The following PTH1R variants were observed in gnomAD, a reference collection of about 807,000 sequenced individuals.
PTH1R encodes the protein parathyroid hormone 1 receptor.
PTH1R carries 32 observed loss-of-function variants against 70.7 expected under a neutral mutation model. That is an observed-to-expected ratio of 0.45 (90% confidence interval 0.34 to 0.61). The LOEUF is 0.61. PTH1R is among the 20% of genes least tolerant of loss of function. PTH1R has a pLI of 0.01. For synonymous variants in PTH1R, 329 were observed against 324.8 expected, an observed-to-expected ratio of 1.01 and a Z score of -0.14; for missense variants, 626 against 792.5, an observed-to-expected ratio of 0.79 and a Z score of 2.52.
chr3:46,903,685 A>G lies in PTH1R; in HGVS notation c.*29A>G, dbSNP rs995853571. The stretch of plus-strand genomic sequence containing the variant: ...GGCGCTGGGGGCTGGACCTGCTGAC[A>G]TAGTGGATGGACAGATGGACCAAAA... On this transcript the variant is annotated 3_prime_UTR_variant, in exon 16 of 16. Coordinates refer to ENST00000449590, the MANE Select transcript of PTH1R (RefSeq NM_000316.3). This position sits in a 1 kb window ranked among gnomAD's most constrained non-coding sequence, Gnocchi z 4.4. 4.4e-6 allele frequency: 7 copies of G among 1,603,350 alleles called. No individual in the cohort carries two copies. The highest frequency in any genetic ancestry group is 4.0e-5 in the African/African-American group (3 of 74,930).
chr3:46,880,756 A>C (rs2030506101), intron 1 of PTH1R, among the ~76,000 whole-genome samples: 1 of 142,362 alleles, frequency 7.0e-6, no homozygotes, highest in African/African-American at 3.1e-5. Flanking sequence ...AAGGAGAAGA[A>C]AGAAGAAGAA....
chr3:46,901,374 G>A lies in PTH1R; in HGVS notation c.1050-40G>A. On this transcript the variant is annotated intron_variant, in intron 11 of 15. Transcript: ENST00000449590. This position sits in a 1 kb window ranked among gnomAD's most constrained non-coding sequence, Gnocchi z 7.3. ...GTCTCTGTGGGCAGTCTTAGGATGG[G>A]AACAGGAGGGATGGGAGCTAATGCC... 1 of 1,552,810 alleles carries A rather than the reference G, an allele frequency of 6.4e-7. No homozygotes were observed. Among genetic ancestry groups the A allele is most frequent in the South Asian group, 1.2e-5 (1 of 84,126 alleles).
intron 2 of PTH1R, among the ~76,000 whole-genome samples, chr3:46,881,711 A>G (rs2030579370): frequency 7.2e-6 from 1 of 138,162 alleles, no homozygotes; most frequent in African/African-American, 2.8e-5. Flanking sequence ...GCAGGGGACG[A>G]GGCGAGGGTG....
rs2032150775 is a variant in PTH1R, at chr3:46,901,883, G to A, written c.1211+23G>A. 6.3e-7 allele frequency: 1 copy of A among 1,598,212 alleles called. No homozygotes were observed. The highest frequency in any genetic ancestry group is 1.1e-5 in the South Asian group (1 of 90,702). The stretch of plus-strand genomic sequence containing the variant: ...CCGGTGAGCCCACCATGCCTGCCAT[G>A]CCCTGGCTCCTCAGGGGTCCCTGAG... On this transcript the variant is annotated intron_variant, in intron 13 of 15. Transcript: ENST00000449590. The surrounding 1 kb of genome is among the most constrained non-coding windows in gnomAD (Gnocchi z 7.3).
At chr3:46,881,879 G>C (rs913643473) in intron 2 of PTH1R, among the ~76,000 whole-genome samples, 1 of 152,120 alleles carries the variant, frequency 6.6e-6, no homozygotes, top group Non-Finnish European at 1.5e-5. Flanking sequence ...CCTCCTCAGG[G>C]GATTCGCCCA....
rs778433099 is a variant in PTH1R at position 46,898,167 on chromosome 3, T to A, written c.518T>A (p.Phe173Tyr). The A allele has an allele frequency of 1.2e-6, 2 of 1,614,146 alleles. No individual in the cohort carries two copies. The highest frequency in any genetic ancestry group is 1.7e-6 in the Non-Finnish European group (2 of 1,180,014). Residue 173 changes from phenylalanine to tyrosine, a missense_variant, in exon 7 of 16, where the codon TTT becomes TAT. By Grantham distance (22) the Phe-to-Tyr change is conservative. Transcript: ENST00000449590. The part of the protein sequence containing the change: ...TWANYSECVK[F>Y]LTNETREREV... Reference sequence around the variant, plus strand: ...GCCAACTACAGCGAGTGTGTCAAATTTCTCACCAATGAGACTCGTGAACGG... The same window carrying A: ...GCCAACTACAGCGAGTGTGTCAAATATCTCACCAATGAGACTCGTGAACGG...
rs765600608 is a variant in PTH1R at position 46,901,829 on chromosome 3, G to A, written c.1180G>A (p.Ala394Thr). 1.4e-5 allele frequency: 22 copies of A among 1,613,932 alleles called. No homozygotes were observed. The highest frequency in any genetic ancestry group is 2.2e-5 in the East Asian group (1 of 44,872). The change falls in exon 13 of 16, where the codon GCC becomes ACC. Residue 394 changes from alanine to threonine, a missense_variant. This residue lies in a region of PTH1R where 495 missense variants were observed against 638.7 expected (regional missense o/e 0.77). Transcript: ENST00000449590. This position sits in a 1 kb window ranked among gnomAD's most constrained non-coding sequence, Gnocchi z 7.3. ...VLATKLRETNAGRCDTRQQYR... is the reference protein window; with the variant it reads ...VLATKLRETNTGRCDTRQQYR... ...CGCCACCAAGCTGCGGGAGACCAAC[G>A]CCGGCCGGTGTGACACACGGCAGCA... is the stretch of plus-strand genomic sequence containing the variant.
At chr3:46,890,808 G>A (rs2031372458) in intron 3 of PTH1R, among the ~76,000 whole-genome samples, 1 of 152,146 alleles carries the variant, frequency 6.6e-6, no homozygotes, top group African/African-American at 2.4e-5. Context: ...GCCAACAACA[G>A]CCCTATTATT....
chr3:46,880,731 AAGAAGAAGAAGG>A (rs1011930073), intron 1 of PTH1R, among the ~76,000 whole-genome samples: 1 of 151,204 alleles, frequency 6.6e-6, no homozygotes, highest in African/African-American at 2.5e-5. Flanking sequence ...TGTCTTGAAG[AAGAAGAAGAAGG>A]AGAAGGAGAA....
chr3:46,893,964 C>A lies in PTH1R; in HGVS notation c.133C>A (p.Gln45Lys). 1 of 1,614,166 alleles carries A rather than the reference C, an allele frequency of 6.2e-7. No homozygotes were observed. The highest frequency in any genetic ancestry group is 8.5e-7 in the Non-Finnish European group (1 of 1,180,026). ...ACAGATCTTCCTGCTGCACCGTGCT[C>A]AGGCCCAGTGCGAAAAACGGCTCAA... ...EEQIFLLHRAQAQCEKRLKEV... is the reference protein window; with the variant it reads ...EEQIFLLHRAKAQCEKRLKEV... The change falls in exon 4 of 16, where the codon CAG becomes AAG. Residue 45 changes from glutamine (Q) to lysine (K), a missense_variant. Gln to Lys is a moderately conservative substitution (Grantham distance 53). Around this residue, in one of 3 missense-constraint regions of PTH1R, gnomAD observed 123 missense variants for 125.7 expected, o/e 0.98. Coordinates refer to ENST00000449590, the MANE Select transcript of PTH1R (RefSeq NM_000316.3). The surrounding 1 kb of genome is among the most constrained non-coding windows in gnomAD (Gnocchi z 5.2).
chr3:46,884,929 T>G lies in PTH1R; in HGVS notation c.75+1295T>G, dbSNP rs35366910. ...CTTACCTGTGCCTACACCCTCACAA[T>G]TCTGGCCCCAGCAAAGGCTCCCCAC... On this transcript the variant is annotated intron_variant, in intron 3 of 15. Coordinates refer to ENST00000449590, the MANE Select transcript of PTH1R (RefSeq NM_000316.3). The surrounding 1 kb of genome is among the most constrained non-coding windows in gnomAD (Gnocchi z 4.8). Among the ~76,000 whole-genome samples, 11,401 of 152,188 alleles carry G rather than the reference T, an allele frequency of 0.075. 1,477 individuals carry two copies. The highest frequency in any genetic ancestry group is 0.26 in the African/African-American group (10,745 of 41,468).
At chr3:46,899,580 G>A in intron 10 of PTH1R, 124 bp downstream of exon 10, 3 of 1,253,598 alleles carry the variant, frequency 2.4e-6, no homozygotes, top group Non-Finnish European at 3.3e-6. Context: ...CAGCAGGAGA[G>A]AGGCCTGCCG....
Position 46,890,520 on chromosome 3 carries a change from T to G in PTH1R, c.76-3387T>G, listed in dbSNP as rs1028268083. On this transcript the variant is annotated intron_variant, in intron 3 of 15. Transcript: ENST00000449590. ...GCTTTTTTTTTTTTTTTTTTTTTTT[T>G]GAGATGGAGTTTCGCTCTTGTTGCC... Among the ~76,000 whole-genome samples the G allele has an allele frequency of 4.1e-5, 5 of 121,214 alleles. No homozygotes were observed. In the East Asian group the frequency reaches 1.2e-3, roughly 29 times the overall value. The allele number at this position is 121,214 out of a possible 152,430, so 79.5% of individuals were successfully genotyped here.
rs186573167 is a variant in PTH1R at position 46,879,807 on chromosome 3, C to T, written c.-105-1255C>T. Reference sequence around the variant, plus strand: ...TTGTAATCTCAACACTTTGGGAGGCCGAGACAGGATCACTTGAGGCCAGGA... The same window carrying T: ...TTGTAATCTCAACACTTTGGGAGGCTGAGACAGGATCACTTGAGGCCAGGA... On this transcript the variant is annotated intron_variant, in intron 1 of 15. Coordinates refer to ENST00000449590, the MANE Select transcript of PTH1R (RefSeq NM_000316.3). This position sits in a 1 kb window ranked among gnomAD's most constrained non-coding sequence, Gnocchi z 4.7. 8.0e-4 allele frequency among the ~76,000 whole-genome samples: 121 copies of T among 152,126 alleles called. No individual in the cohort carries two copies. Among genetic ancestry groups the T allele is most frequent in the African/African-American group, 2.8e-3 (115 of 41,480 alleles).
chr3:46,884,168 G>A lies in PTH1R; in HGVS notation c.75+534G>A, dbSNP rs1191482904. On this transcript the variant is annotated intron_variant, in intron 3 of 15. Transcript: ENST00000449590. This position sits in a 1 kb window ranked among gnomAD's most constrained non-coding sequence, Gnocchi z 4.8. The stretch of plus-strand genomic sequence containing the variant: ...GGGTAGAAGCTGTTTCCCCAAGGAG[G>A]TGGGTGTGGTGTGGCATGGAGAAGG... Among the ~76,000 whole-genome samples, 1 of 152,156 alleles carries A rather than the reference G, an allele frequency of 6.6e-6. No homozygotes were observed. The highest frequency in any genetic ancestry group is 1.9e-4 in the East Asian group (1 of 5,184).
rs941594421 is a variant in PTH1R at position 46,883,989 on chromosome 3, CTT to C, written c.75+357_75+358del. 6.6e-6 allele frequency among the ~76,000 whole-genome samples: 1 copy of C among 152,236 alleles called. No individual in the cohort carries two copies. ...TGGCCCTGCTGCGTACTCCCACAGA[CTT>C]TGCTTTGGGGACCTCTGTTTTCTGC... is the stretch of plus-strand genomic sequence containing the variant. On this transcript the variant is annotated intron_variant, in intron 3 of 15. Coordinates refer to ENST00000449590, the MANE Select transcript of PTH1R (RefSeq NM_000316.3). This position sits in a 1 kb window ranked among gnomAD's most constrained non-coding sequence, Gnocchi z 6.4.
chr3:46,878,407 G>A (rs1426495227), intron 1 of PTH1R, among the ~76,000 whole-genome samples: 1 of 152,232 alleles, frequency 6.6e-6, no homozygotes, highest in Non-Finnish European at 1.5e-5. Context: ...CCTGGGGTCA[G>A]AGTTCAGCCA....
At chr3:46,888,515 C>A (rs534040745) in intron 3 of PTH1R, among the ~76,000 whole-genome samples, 1 of 152,272 alleles carries the variant, frequency 6.6e-6, no homozygotes, top group South Asian at 2.1e-4. Context: ...GAAGGAGAGT[C>A]CTCAGGAAAA....
rs368182834 is a variant in PTH1R, at chr3:46,892,969, G to A, written c.76-938G>A. The stretch of plus-strand genomic sequence containing the variant: ...CTTAACCTCTGCGGGTCACATTCAC[G>A]GGAATGGCTGGGCTAGGCACACCAG... On this transcript the variant is annotated intron_variant, in intron 3 of 15. Transcript: ENST00000449590. This position sits in a 1 kb window ranked among gnomAD's most constrained non-coding sequence, Gnocchi z 5.2. Among the ~76,000 whole-genome samples the A allele has an allele frequency of 7.5e-4, 115 of 152,318 alleles. 2 individuals are homozygous for A. In the Middle Eastern group the frequency reaches 0.01, roughly 14 times the overall value.
Sources: gnomAD v4.1 joint callset for allele counts (sites outside exome capture counted in the v4.1 genomes callset) on GRCh38, gnomAD v4.1.1 for gene constraint, gnomAD v4.1.1 regional missense constraint, Gnocchi (gnomAD v3.1) non-coding constraint, MANE v1.5 for transcripts, NCBI Gene and HGNC (gene_info 2026-07-23, HGNC 2026-07-21) for gene names.